PCDHA13: variants seen among roughly 807,000 people sequenced by gnomAD.
The protein encoded by PCDHA13 is protocadherin alpha-13.
Under a neutral mutation model 64.8 loss-of-function variants are expected in PCDHA13, and 54 were observed. The observed-to-expected ratio is 0.83, with a 90% CI of 0.67 to 1.04. The LOEUF is 1.04. PCDHA13 is among the 50% of genes least tolerant of loss of function. The pLI, the probability that PCDHA13 is intolerant of heterozygous loss-of-function variation, is 0.00. For missense variants in PCDHA13, 1,248 were observed against 1,254.3 expected, an observed-to-expected ratio of 0.99 and a Z score of 0.08; for synonymous variants, 587 against 564.4, an observed-to-expected ratio of 1.04 and a Z score of -0.57.
chr5:140,968,370 A>T (rs1169551068), intron 1 of PCDHA13: 1 of 1,613,428 alleles, frequency 6.2e-7, no homozygotes, highest in African/African-American at 1.3e-5. Flanking sequence ...TATGCTGTCA[A>T]CTCCTTTGAC....
intron 3 of PCDHA13, among the ~76,000 whole-genome samples, chr5:140,988,042 T>C (rs1365233473): frequency 1.3e-5 from 2 of 152,212 alleles, no homozygotes. Context: ...AGAATCTGTT[T>C]AGGAGCACTG....
rs527413028 is a variant in PCDHA13, at chr5:140,920,520, G to A, written c.2394+35858G>A. Among the ~76,000 whole-genome samples, 10 of 152,176 alleles carry A rather than the reference G, an allele frequency of 6.6e-5. No homozygotes were observed. In the South Asian group the frequency reaches 1.7e-3, roughly 25 times the overall value. ...TTCTACATACTGTTTTATGCAATTCGTTAGACTCAGGTTTTCTATTTCACC... is the reference window on the plus strand; with the variant it reads ...TTCTACATACTGTTTTATGCAATTCATTAGACTCAGGTTTTCTATTTCACC... On this transcript the variant is annotated intron_variant, in intron 1 of 3. Transcript: ENST00000289272.
intron 1 of PCDHA13, among the ~76,000 whole-genome samples, chr5:140,900,291 T>C (rs1397328670): frequency 6.6e-6 from 1 of 151,992 alleles, no homozygotes; most frequent in East Asian, 2.0e-4. Flanking sequence ...TTCTTTTCTG[T>C]TTTTTTAGAC....
intron 3 of PCDHA13, among the ~76,000 whole-genome samples, chr5:140,997,400 G>A (rs1554255862): frequency 3.3e-5 from 5 of 152,056 alleles, no homozygotes; most frequent in Admixed American, 1.3e-4. Context: ...AGGCTCTATC[G>A]TATGGCCTAT....
At chr5:140,925,383 T>C (rs1554202722) in intron 1 of PCDHA13, among the ~76,000 whole-genome samples, 2 of 152,140 alleles carry the variant, frequency 1.3e-5, no homozygotes, top group African/African-American at 2.4e-5. Flanking sequence ...TCAATGAGTC[T>C]CCTTTTGGCT....
intron 1 of PCDHA13, among the ~76,000 whole-genome samples, chr5:140,943,674 A>G (rs1401531217): frequency 6.6e-6 from 1 of 152,240 alleles, no homozygotes; most frequent in Non-Finnish European, 1.5e-5. Context: ...TAAAGTGTGA[A>G]AAAAAGGGAT....
intron 1 of PCDHA13, chr5:140,967,360 G>T: frequency 6.2e-7 from 1 of 1,607,656 alleles, no homozygotes. Flanking sequence ...TGGACCTTAA[G>T]CCCCTGCAGG....
At chr5:140,902,647 G>T (rs1286700570) in intron 1 of PCDHA13, among the ~76,000 whole-genome samples, 3 of 150,932 alleles carry the variant, frequency 2.0e-5, no homozygotes, top group African/African-American at 7.3e-5. Context: ...CTGAGATTTT[G>T]GTGCACCTGT....
intron 3 of PCDHA13, among the ~76,000 whole-genome samples, chr5:140,998,792 G>A (rs747824792): frequency 6.6e-6 from 1 of 152,156 alleles, no homozygotes; most frequent in Non-Finnish European, 1.5e-5. Flanking sequence ...TGGAACCCCT[G>A]ACCTCAGGTG....
chr5:140,986,280 C>T (rs2097193236), intron 3 of PCDHA13, among the ~76,000 whole-genome samples: 1 of 152,116 alleles, frequency 6.6e-6, no homozygotes, highest in African/African-American at 2.4e-5. Flanking sequence ...TTTCAGCTTC[C>T]CTTGAGACTG....
At chr5:140,942,705 T>TA (rs1220612434) in intron 1 of PCDHA13, among the ~76,000 whole-genome samples, 1 of 152,100 alleles carries the variant, frequency 6.6e-6, no homozygotes, top group Non-Finnish European at 1.5e-5. Flanking sequence ...AAATATGAAG[T>TA]AAAAGTATGA....
chr5:140,967,049 A>G (rs782123539), intron 1 of PCDHA13: 12 of 1,612,528 alleles, frequency 7.4e-6, no homozygotes, highest in Non-Finnish European at 9.3e-6. Flanking sequence ...GCTGGACCTG[A>G]CGAGTGGAGC....
intron 3 of PCDHA13, among the ~76,000 whole-genome samples, chr5:140,990,780 GACGATGA>G (rs1554251732): frequency 6.6e-6 from 1 of 152,192 alleles, no homozygotes; most frequent in Non-Finnish European, 1.5e-5. Flanking sequence ...CTCTGTGTTG[GACGATGA>G]ACCATGGAAT....
intron 1 of PCDHA13, among the ~76,000 whole-genome samples, chr5:140,917,013 A>G (rs565656440): frequency 2.6e-4 from 39 of 152,080 alleles, no homozygotes; most frequent in Non-Finnish European, 4.6e-4. Context: ...ATCTCCCTTC[A>G]TGTGCAGCTG....
chr5:140,928,940 A>G (rs2085663832), intron 1 of PCDHA13: 1 of 1,613,944 alleles, frequency 6.2e-7, no homozygotes. Flanking sequence ...CAGAACTTGT[A>G]TTTAGTAATT....
At chr5:140,981,537 G>C (rs375537131) in intron 2 of PCDHA13, among the ~76,000 whole-genome samples, 2 of 152,290 alleles carry the variant, frequency 1.3e-5, no homozygotes, top group East Asian at 3.9e-4. Context: ...TCGTGCCACT[G>C]TACTCCAGCC....
chr5:140,891,409 C>A (rs1295005747), intron 1 of PCDHA13, among the ~76,000 whole-genome samples: 1 of 148,202 alleles, frequency 6.7e-6, no homozygotes. Flanking sequence ...CGCCACCCCC[C>A]ACTCTTGCCC....
chr5:140,922,830 A>G (rs2081013341), intron 1 of PCDHA13, among the ~76,000 whole-genome samples: 1 of 152,264 alleles, frequency 6.6e-6, no homozygotes, highest in Admixed American at 6.5e-5. Context: ...TACTGCTAAT[A>G]GATGTCCTCA....
chr5:140,927,459 A>G (rs2084222098), intron 1 of PCDHA13: 1 of 1,614,018 alleles, frequency 6.2e-7, no homozygotes, highest in Non-Finnish European at 8.5e-7. Flanking sequence ...TGTTGGAGAA[A>G]GCACTGGATC....
Sources: allele counts gnomAD v4.1 joint callset (sites outside exome capture counted in the v4.1 genomes callset), GRCh38; gene constraint gnomAD v4.1.1; transcripts MANE v1.5; gene names NCBI Gene and HGNC (gene_info 2026-07-23, HGNC 2026-07-21).